GRIK3: variants seen among roughly 807,000 people sequenced by gnomAD.
GRIK3 encodes the protein glutamate receptor ionotropic, kainate 3.
GRIK3 carries 29 observed loss-of-function variants against 102.5 expected under a neutral mutation model. The observed-to-expected ratio is 0.28, with a 90% CI of 0.21 to 0.39. The LOEUF (loss-of-function observed/expected upper bound fraction) is 0.39. Ranked by LOEUF, GRIK3 falls within the 10% of genes least tolerant of loss-of-function variation. GRIK3 has a pLI of 1.00. For missense variants in GRIK3, 908 were observed against 1,252.4 expected (o/e 0.73, Z 4.15); for synonymous variants, 511 against 504.9 (o/e 1.01, Z -0.16).
intron 1 of GRIK3, among the ~76,000 whole-genome samples, chr1:36,898,333 A>C (rs1188254808): frequency 6.6e-6 from 1 of 152,158 alleles, no homozygotes; most frequent in African/African-American, 2.4e-5. Flanking sequence ...TGGCTACCTC[A>C]TTTCCCATGA....
chr1:36,827,413 GAAA>G (rs201703582), intron 10 of GRIK3, among the ~76,000 whole-genome samples: 3,177 of 152,274 alleles, frequency 0.021, 116 homozygotes, highest in African/African-American at 0.073. Context: ...CCTAACAACA[GAAA>G]GGTTAAAGAC....
At chr1:36,913,980 G>A (rs920127407) in intron 1 of GRIK3, among the ~76,000 whole-genome samples, 4 of 152,084 alleles carry the variant, frequency 2.6e-5, no homozygotes, top group South Asian at 4.2e-4. Context: ...ACTTGTCACC[G>A]GCCACCTGGA....
chr1:36,832,932 T>C (rs566107381), intron 10 of GRIK3, among the ~76,000 whole-genome samples: 1 of 152,316 alleles, frequency 6.6e-6, no homozygotes, highest in Non-Finnish European at 1.5e-5. Context: ...AGGTCCTGGT[T>C]ACACACTCCC....
intron 1 of GRIK3, among the ~76,000 whole-genome samples, chr1:36,905,468 T>C (rs1319983133): frequency 6.6e-6 from 1 of 150,790 alleles, no homozygotes; most frequent in Non-Finnish European, 1.5e-5. Context: ...CCAAGCCCTC[T>C]GCATTGAGAT....
At chr1:36,911,669 T>C (rs1641346806) in intron 1 of GRIK3, among the ~76,000 whole-genome samples, 1 of 151,930 alleles carries the variant, frequency 6.6e-6, no homozygotes. Context: ...GACATGCAAG[T>C]CAAATATTGC....
chr1:36,891,011 G>A lies in GRIK3; in HGVS notation c.201C>T (p.Ile67=), dbSNP rs771643572. 6.2e-7 allele frequency: 1 copy of A among 1,613,914 alleles called. No homozygotes were observed. The highest frequency in any genetic ancestry group is 8.5e-7 in the Non-Finnish European group (1 of 1,179,804). ...TGGGCAGCAGAGTCCTGTTCCTGTT[G>A]ATGATGTTGGCAGAAAATCGAAAGG... ...EHAFRFSANI[I]NRNRTLLPNT... is the part of the protein sequence containing the mutation. Residue 67 remains isoleucine (I), a synonymous_variant, in exon 2 of 16, where the codon ATC becomes ATT. Coordinates refer to ENST00000373091, the MANE Select transcript of GRIK3 (RefSeq NM_000831.4).
At chr1:36,868,741 T>C (rs1215406407) in intron 5 of GRIK3, among the ~76,000 whole-genome samples, 2 of 152,212 alleles carry the variant, frequency 1.3e-5, no homozygotes, top group Admixed American at 6.5e-5. Flanking sequence ...GTCCTTCCTC[T>C]TTCTCCCTTG....
intron 13 of GRIK3, among the ~76,000 whole-genome samples, chr1:36,812,157 A>T (rs1228682625): frequency 1.3e-5 from 2 of 152,102 alleles, no homozygotes; most frequent in African/African-American, 2.4e-5. Flanking sequence ...CTCCAGCTCA[A>T]GGAAGGGTCT....
chr1:37,029,278 G>A (rs1642795672), intron 1 of GRIK3, among the ~76,000 whole-genome samples: 4 of 152,344 alleles, frequency 2.6e-5, no homozygotes, highest in Admixed American at 2.6e-4. Context: ...GAGGACAAGC[G>A]AGTGCCTGCT....
chr1:36,869,621 G>T, intron 5 of GRIK3, 127 bp downstream of exon 5: 1 of 741,850 alleles, frequency 1.3e-6, no homozygotes, highest in Non-Finnish European at 2.4e-6. Context: ...CCTTACCTGG[G>T]GCCACCCCTA....
chr1:36,859,850 C>T lies in GRIK3; in HGVS notation c.954G>A (p.Val318=). 1 of 1,613,412 alleles carries T rather than the reference C, an allele frequency of 6.2e-7. No individual in the cohort carries two copies. Among genetic ancestry groups the T allele is most frequent in the Non-Finnish European group, 8.5e-7 (1 of 1,179,430 alleles). ...CCTCACCCAGCCGCCTTACCATCAT[C>T]ACTCCATCCAGCAGGCCAGACTCGG... is the stretch of plus-strand genomic sequence containing the variant. The part of the protein sequence containing the change: ...PRSESGLLDG[V]MMTDAALLYD... The change falls in exon 6 of 16, where the codon GTG becomes GTA. Residue 318 remains valine, a synonymous_variant. Transcript: ENST00000373091.
intron 1 of GRIK3, among the ~76,000 whole-genome samples, chr1:37,018,098 C>A (rs1642673044): frequency 6.6e-6 from 1 of 152,234 alleles, no homozygotes; most frequent in South Asian, 2.1e-4. Context: ...ATCCCATAAA[C>A]AACCCTAAAC....
At chr1:36,851,013 G>T (rs1352635926) in intron 8 of GRIK3, among the ~76,000 whole-genome samples, 1 of 152,202 alleles carries the variant, frequency 6.6e-6, no homozygotes, top group Non-Finnish European at 1.5e-5. Context: ...GAGAAGGAAA[G>T]GTCAAGTTTA....
intron 10 of GRIK3, among the ~76,000 whole-genome samples, chr1:36,833,489 C>G (rs969201540): frequency 2.6e-5 from 4 of 152,166 alleles, no homozygotes; most frequent in African/African-American, 9.7e-5. Context: ...CTGGGCTCCA[C>G]CTTTGGAGCC....
At chr1:36,856,513 C>T (rs1027669657) in intron 7 of GRIK3, among the ~76,000 whole-genome samples, 2 of 152,130 alleles carry the variant, frequency 1.3e-5, no homozygotes, top group Non-Finnish European at 2.9e-5. Flanking sequence ...TACTGTCATG[C>T]AATCAGATGG....
intron 1 of GRIK3, among the ~76,000 whole-genome samples, chr1:37,026,611 C>A (rs1025395859): frequency 6.6e-6 from 1 of 152,220 alleles, no homozygotes; most frequent in Non-Finnish European, 1.5e-5. Flanking sequence ...GCAGACAATA[C>A]TGTAAGGGTC....
chr1:36,879,941 TGTGTGC>T (rs1640950305), intron 3 of GRIK3, among the ~76,000 whole-genome samples: 2 of 152,084 alleles, frequency 1.3e-5, no homozygotes, highest in Non-Finnish European at 2.9e-5. Flanking sequence ...GGGGCTGGTG[TGTGTGC>T]GAGCAGAGCT....
chr1:36,974,425 T>C (rs566639801), intron 1 of GRIK3, among the ~76,000 whole-genome samples: 3 of 152,136 alleles, frequency 2.0e-5, no homozygotes, highest in Middle Eastern at 6.8e-3. Context: ...AGCCCAAAGG[T>C]GGAAACAACC....
At chr1:36,997,355 GTA>G (rs1642431468) in intron 1 of GRIK3, among the ~76,000 whole-genome samples, 1 of 152,216 alleles carries the variant, frequency 6.6e-6, no homozygotes, top group Non-Finnish European at 1.5e-5. Flanking sequence ...CCAGGCTATT[GTA>G]TGCAAGAGAA....
Sources: allele counts gnomAD v4.1 joint callset (sites outside exome capture counted in the v4.1 genomes callset), GRCh38; gene constraint gnomAD v4.1.1; transcripts MANE v1.5; gene names NCBI Gene and HGNC (gene_info 2026-07-23, HGNC 2026-07-21).